Variants in LMNTD1 observed in about 807,000 individuals in gnomAD.
LMNTD1 encodes lamin tail domain-containing protein 1.
A neutral mutation model predicts 50.9 loss-of-function variants in LMNTD1; 35 were observed. That is an observed-to-expected ratio of 0.69 (90% CI 0.53 to 0.91). The LOEUF (loss-of-function observed/expected upper bound fraction) is 0.91. Among genes scored for constraint, LMNTD1 ranks in the 40% least tolerant of loss-of-function variants. The probability of loss-of-function intolerance (pLI) is 0.00; values close to 1 mark genes in which losing one functional copy is unlikely to be tolerated. For synonymous variants in LMNTD1, 153 were observed against 161.9 expected, an observed-to-expected ratio of 0.94 and a Z score of 0.42; for missense variants, 470 against 475.5, an observed-to-expected ratio of 0.99 and a Z score of 0.11.
At chr12:25,622,203 G>C (rs1411352525) in intron 1 of LMNTD1, among the ~76,000 whole-genome samples, 1 of 152,096 alleles carries the variant, frequency 6.6e-6, no homozygotes, top group African/African-American at 2.4e-5. Flanking sequence ...TTTGGGTTTC[G>C]AATATGCTTC....
chr12:25,627,800 A>G (rs1946623513), intron 1 of LMNTD1, among the ~76,000 whole-genome samples: 1 of 152,226 alleles, frequency 6.6e-6, no homozygotes, highest in Non-Finnish European at 1.5e-5. Context: ...TCTTGTAGCC[A>G]ATCCTTTTCT....
At chr12:25,605,260 G>A (rs1446755032) in intron 1 of LMNTD1, among the ~76,000 whole-genome samples, 2 of 152,146 alleles carry the variant, frequency 1.3e-5, no homozygotes, top group African/African-American at 2.4e-5. Context: ...TGTCAGATGA[G>A]TAGGTTGCAA....
rs746571257 is a variant in LMNTD1 at position 25,553,156 on chromosome 12, TG to T, written c.-119del. 3.5e-4 allele frequency: 570 copies of T among 1,609,332 alleles called. No homozygotes were observed. Among genetic ancestry groups the T allele is most frequent in the Admixed American group, 1.8e-3 (105 of 59,722 alleles). On this transcript the variant is annotated 5_prime_UTR_variant, in exon 1 of 10. An upstream open reading frame in the 5' UTR gains an earlier in-frame stop. Coordinates refer to ENST00000458174, the MANE Select transcript of LMNTD1 (RefSeq NM_001145728.2). ...CAGAACCACAATTCTCATGAGGATA[TG>T]TAAGTACCAACATAGCCAATCCTGA...
At chr12:25,524,004 G>A (rs1388211268) in intron 6 of LMNTD1, among the ~76,000 whole-genome samples, 1 of 152,120 alleles carries the variant, frequency 6.6e-6, no homozygotes, top group African/African-American at 2.4e-5. Flanking sequence ...CTAGAACAGA[G>A]TGCATGAAGA....
Position 25,526,697 on chromosome 12 carries a change from C to T in LMNTD1, c.678+72G>A, listed in dbSNP as rs753760132. The T allele has an allele frequency of 1.3e-5, 13 of 1,038,530 alleles. No homozygotes were observed. The South Asian group carries it at 1.4e-4, about 11-fold the overall frequency. The allele number at this position is 1,038,530 out of a possible 1,614,324, so 64.3% of individuals were successfully genotyped here. A position where few individuals can be genotyped will look rare whatever the true frequency, so the allele number is the denominator to read the frequency against. ...AGAGTGATAACGAGACAGTGCTGAG[C>T]CACAGACTGTCAGTGTCAACAAGTT... On this transcript the variant is annotated intron_variant, in intron 5 of 9. Coordinates refer to ENST00000458174, the MANE Select transcript of LMNTD1 (RefSeq NM_001145728.2).
At chr12:25,539,902 G>A (rs1344642822) in intron 4 of LMNTD1, among the ~76,000 whole-genome samples, 10 of 151,716 alleles carry the variant, frequency 6.6e-5, no homozygotes, top group South Asian at 2.1e-4. Context: ...TATCACCACC[G>A]ATCCCACAGG....
At chr12:25,528,670 C>T (rs1443898571) in intron 4 of LMNTD1, among the ~76,000 whole-genome samples, 1 of 152,172 alleles carries the variant, frequency 6.6e-6, no homozygotes, top group Non-Finnish European at 1.5e-5. Context: ...GAAACAGACT[C>T]TCCTACAGCT....
intron 1 of LMNTD1, among the ~76,000 whole-genome samples, chr12:25,573,095 C>T (rs1944860920): frequency 6.6e-6 from 1 of 151,994 alleles, no homozygotes; most frequent in Non-Finnish European, 1.5e-5. Flanking sequence ...AATTCTCGTC[C>T]AACTCCCCGA....
Position 25,549,462 on chromosome 12 carries a change from T to G in LMNTD1, c.174A>C (p.Ser58=), listed in dbSNP as rs1317769178. The G allele has an allele frequency of 6.2e-7, 1 of 1,613,316 alleles. No homozygotes were observed. The highest frequency in any genetic ancestry group is 2.2e-5 in the East Asian group (1 of 44,844). Residue 58 remains serine (S), a synonymous_variant, in exon 3 of 10, where the codon TCA becomes TCC. Transcript: ENST00000458174. ...GAGGCATTCCACTGGAATTTGAAGATGACAATGGCAGTGTTGTGGCAACTG... is the reference window on the plus strand; with the variant it reads ...GAGGCATTCCACTGGAATTTGAAGAGGACAATGGCAGTGTTGTGGCAACTG... The part of the protein sequence containing the change: ...LGSVATTLPL[S]SSNSSGMPLG...
At chr12:25,530,959 G>C (rs1337943422) in intron 4 of LMNTD1, among the ~76,000 whole-genome samples, 2 of 152,158 alleles carry the variant, frequency 1.3e-5, no homozygotes, top group African/African-American at 4.8e-5. Flanking sequence ...AGCTGCAGCG[G>C]GAGGGAAGTC....
chr12:25,585,945 A>T (rs1267567798), intron 1 of LMNTD1: 1 of 152,146 alleles, frequency 6.6e-6, no homozygotes, highest in Non-Finnish European at 1.5e-5. Context: ...CAAAGGATGA[A>T]CTCACTTGCC....
chr12:25,637,417 C>A (rs1946859361), intron 1 of LMNTD1, among the ~76,000 whole-genome samples: 1 of 152,064 alleles, frequency 6.6e-6, no homozygotes, highest in Non-Finnish European at 1.5e-5. Context: ...TAAGAAATAA[C>A]ATTATTTTTA....
chr12:25,514,175 C>T (rs561901203), intron 8 of LMNTD1, among the ~76,000 whole-genome samples: 2 of 152,156 alleles, frequency 1.3e-5, no homozygotes, highest in African/African-American at 4.8e-5. Flanking sequence ...GTGTTATTGG[C>T]ACAGTGATAG....
chr12:25,488,030 G>A (rs1246282094), intron 9 of LMNTD1, among the ~76,000 whole-genome samples: 74 of 148,306 alleles, frequency 5.0e-4, no homozygotes, highest in Middle Eastern at 3.6e-3. Context: ...TTCCCTTTGA[G>A]GGTAACCCGA....
At chr12:25,616,389 G>C (rs963990845) in intron 1 of LMNTD1, among the ~76,000 whole-genome samples, 2 of 152,058 alleles carry the variant, frequency 1.3e-5, no homozygotes, top group Non-Finnish European at 2.9e-5. Context: ...ACAACAACCT[G>C]GATGAATCTC....
chr12:25,566,189 C>T (rs544037720), intron 1 of LMNTD1, among the ~76,000 whole-genome samples: 28 of 152,254 alleles, frequency 1.8e-4, no homozygotes, highest in African/African-American at 6.7e-4. Flanking sequence ...TTCTACCCCT[C>T]TCTCTTTCTC....
At chr12:25,590,895 C>A (rs540957234) in intron 1 of LMNTD1, among the ~76,000 whole-genome samples, 1 of 152,154 alleles carries the variant, frequency 6.6e-6, no homozygotes, top group Non-Finnish European at 1.5e-5. Context: ...AACTGAAGAG[C>A]CCTTGGGTCC....
At chr12:25,622,326 C>A (rs950620564) in intron 1 of LMNTD1, among the ~76,000 whole-genome samples, 1 of 152,064 alleles carries the variant, frequency 6.6e-6, no homozygotes, top group South Asian at 2.1e-4. Flanking sequence ...CTAACTTCAC[C>A]GTATGACTTA....
At chr12:25,511,537 T>A (rs914752129) in intron 8 of LMNTD1, among the ~76,000 whole-genome samples, 1 of 152,218 alleles carries the variant, frequency 6.6e-6, no homozygotes, top group African/African-American at 2.4e-5. Context: ...AAGTTCAGAA[T>A]AGAATGTTGG....
Sources: allele counts gnomAD v4.1 joint callset (sites outside exome capture counted in the v4.1 genomes callset), GRCh38; gene constraint gnomAD v4.1.1; transcripts MANE v1.5; gene names NCBI Gene and HGNC (gene_info 2026-07-23, HGNC 2026-07-21).